Variants in NCOA2 observed in about 807,000 individuals in gnomAD.
NCOA2 encodes class E basic helix-loop-helix protein 75.
Under a neutral mutation model 145.1 loss-of-function variants are expected in NCOA2, and 21 were observed. That is an observed-to-expected ratio of 0.14 (90% CI 0.10 to 0.21). NCOA2 has a LOEUF of 0.21. Among genes scored for constraint, NCOA2 ranks in the 10% least tolerant of loss-of-function variants. The pLI is 1.00. For synonymous variants in NCOA2, 619 were observed against 637.5 expected (o/e 0.97, Z 0.44); for missense variants, 1,472 against 1,837.6 (o/e 0.80, Z 3.64).
At chr8:70,151,270 A>G (rs914082915) in intron 11 of NCOA2, among the ~76,000 whole-genome samples, 2 of 151,818 alleles carry the variant, frequency 1.3e-5, no homozygotes, top group Admixed American at 6.6e-5. Flanking sequence ...TATATTAAGA[A>G]CAGTCTAGAC....
At chr8:70,406,198 A>G (rs539388925), upstream of NCOA2, among the ~76,000 whole-genome samples, 37 of 152,266 alleles carry the variant, frequency 2.4e-4, no homozygotes, top group Non-Finnish European at 5.1e-4. Flanking sequence ...TTTGTGAAAT[A>G]TAAATAATAG....
the NCOA2 span, among the ~76,000 whole-genome samples, chr8:70,449,953 C>T: frequency 6.6e-6 from 1 of 152,208 alleles, no homozygotes; most frequent in Non-Finnish European, 1.5e-5. Flanking sequence ...AATCAATGTG[C>T]TCTGAATGGC....
At chr8:70,397,444 C>A (rs533311873) in intron 1 of NCOA2, among the ~76,000 whole-genome samples, 7 of 146,662 alleles carry the variant, frequency 4.8e-5, no homozygotes, top group Non-Finnish European at 1.0e-4. Flanking sequence ...CAGAGTGAGA[C>A]CCTGTCTCAA....
chr8:70,353,971 G>A (rs1809465262), intron 1 of NCOA2, among the ~76,000 whole-genome samples: 1 of 152,022 alleles, frequency 6.6e-6, no homozygotes, highest in Non-Finnish European at 1.5e-5. Flanking sequence ...CTAATTGCAT[G>A]CAATGAATGC....
intron 2 of NCOA2, among the ~76,000 whole-genome samples, chr8:70,247,935 T>G (rs1822764784): frequency 6.6e-6 from 1 of 152,222 alleles, no homozygotes; most frequent in African/African-American, 2.4e-5. Flanking sequence ...TGTCCCTCTC[T>G]CATATTTTCT....
At chr8:70,361,035 T>C (rs1810152162) in intron 1 of NCOA2, among the ~76,000 whole-genome samples, 1 of 152,058 alleles carries the variant, frequency 6.6e-6, no homozygotes, top group South Asian at 2.1e-4. Context: ...GCTGTTTTTC[T>C]AAAAGGCCAA....
intron 2 of NCOA2, among the ~76,000 whole-genome samples, chr8:70,217,614 G>A (rs867088987): frequency 7.9e-5 from 12 of 151,240 alleles, no homozygotes; most frequent in Admixed American, 2.0e-4. Context: ...ATTCCTCTCA[G>A]TAAGAAAATA....
At chr8:70,166,460 T>C in intron 7 of NCOA2, 106 bp downstream of exon 7, 1 of 1,277,944 alleles carries the variant, frequency 7.8e-7, no homozygotes, top group Non-Finnish European at 1.1e-6. Context: ...AGAACAAAGA[T>C]ACTGCCTCCT....
chr8:70,333,668 G>C (rs1304309154), intron 1 of NCOA2, among the ~76,000 whole-genome samples: 1 of 152,168 alleles, frequency 6.6e-6, no homozygotes, highest in East Asian at 1.9e-4. Flanking sequence ...AACAAACCCA[G>C]TACACGTTAA....
At chr8:70,351,773 T>A (rs10099636) in intron 1 of NCOA2, among the ~76,000 whole-genome samples, 10,011 of 147,728 alleles carry the variant, frequency 0.068, 411 homozygotes, top group African/African-American at 0.11. Flanking sequence ...TTTTTTTTTT[T>A]AAGTAGAGAT....
the NCOA2 span, among the ~76,000 whole-genome samples, chr8:70,448,054 G>A: frequency 6.6e-6 from 1 of 151,706 alleles, no homozygotes; most frequent in African/African-American, 2.4e-5. Context: ...CAAATTTCTT[G>A]ACAAAGGGAA....
chr8:70,190,900 A>G (rs564783332), intron 4 of NCOA2, among the ~76,000 whole-genome samples: 1 of 152,356 alleles, frequency 6.6e-6, no homozygotes, highest in East Asian at 1.9e-4. Flanking sequence ...ACTACATTAT[A>G]AATGAGAAAA....
intron 13 of NCOA2, among the ~76,000 whole-genome samples, 184 bp from the exon 14 acceptor site, chr8:70,141,583 T>C (rs959607560): frequency 2.0e-5 from 3 of 152,218 alleles, no homozygotes; most frequent in African/African-American, 4.8e-5. Context: ...AATCACTACA[T>C]AGTTTTCATA....
chr8:70,321,376 T>A (rs989867556), intron 1 of NCOA2, among the ~76,000 whole-genome samples: 3 of 151,858 alleles, frequency 2.0e-5, no homozygotes, highest in African/African-American at 7.3e-5. Context: ...CCCAGGCTAA[T>A]CTTGAACCCC....
intron 2 of NCOA2, among the ~76,000 whole-genome samples, chr8:70,276,199 A>G (rs371178411): frequency 3.9e-5 from 6 of 152,314 alleles, no homozygotes; most frequent in African/African-American, 1.4e-4. Flanking sequence ...AAAGAGAAAA[A>G]GAAATTAAGG....
At chr8:70,157,489 T>G (rs1563541681) in intron 10 of NCOA2, among the ~76,000 whole-genome samples, 1 of 152,184 alleles carries the variant, frequency 6.6e-6, no homozygotes, top group Admixed American at 6.5e-5. Context: ...GTGTTTAAAT[T>G]TGACTACTAC....
At chr8:70,134,315 CA>C (rs1809491740) in intron 15 of NCOA2, among the ~76,000 whole-genome samples, 1 of 152,198 alleles carries the variant, frequency 6.6e-6, no homozygotes, top group South Asian at 2.1e-4. Flanking sequence ...GAGGGGCCAA[CA>C]AACATGGATA....
At chr8:70,397,659 T>G (rs1813803429) in intron 1 of NCOA2, among the ~76,000 whole-genome samples, 1 of 152,054 alleles carries the variant, frequency 6.6e-6, no homozygotes, top group African/African-American at 2.4e-5. Flanking sequence ...AAGAGTGCCA[T>G]CCTTACCATA....
intron 4 of NCOA2, among the ~76,000 whole-genome samples, chr8:70,187,542 AACAG>A (rs1563588658): frequency 6.6e-6 from 1 of 152,228 alleles, no homozygotes; most frequent in East Asian, 1.9e-4. Context: ...TTTGAGCCAC[AACAG>A]ACAGATATAC....
Sources: allele counts gnomAD v4.1 joint callset (sites outside exome capture counted in the v4.1 genomes callset), GRCh38; gene constraint gnomAD v4.1.1; transcripts MANE v1.5; gene names NCBI Gene and HGNC (gene_info 2026-07-23, HGNC 2026-07-21).